EIF4E2: variants seen among roughly 807,000 people sequenced by gnomAD.
EIF4E2 encodes eukaryotic translation initiation factor 4E family member 2.
In EIF4E2, 13 loss-of-function variants were observed where a neutral mutation model predicts 34.2. That is an observed-to-expected ratio of 0.38 (90% confidence interval 0.25 to 0.60). The LOEUF (loss-of-function observed/expected upper bound fraction) is 0.60. Among genes scored for constraint, EIF4E2 ranks in the 20% least tolerant of loss-of-function variants. The pLI, the probability that EIF4E2 is intolerant of heterozygous loss-of-function variation, is 0.62. For synonymous variants in EIF4E2, 100 were observed against 106.6 expected (o/e 0.94, Z 0.38); for missense variants, 222 against 315.1 (o/e 0.70, Z 2.24).
At chr2:232,564,814 G>A (rs931527564) in intron 4 of EIF4E2, among the ~76,000 whole-genome samples, 14 of 152,220 alleles carry the variant, frequency 9.2e-5, no homozygotes, top group Non-Finnish European at 1.0e-4. Context: ...TGGAACCCGA[G>A]CCTCTAGAGA....
chr2:232,558,792 A>G (rs945256591), intron 3 of EIF4E2: 2 of 152,152 alleles, frequency 1.3e-5, no homozygotes, highest in African/African-American at 2.4e-5. Context: ...ATTAATGATT[A>G]TGCATAAAAT....
At chr2:232,580,366 T>C (rs1173207282) in intron 6 of EIF4E2, among the ~76,000 whole-genome samples, 3 of 152,190 alleles carry the variant, frequency 2.0e-5, no homozygotes, top group African/African-American at 7.2e-5. Flanking sequence ...GAACATCTCC[T>C]TCTCAGGCTT....
chr2:232,564,375 G>C (rs1339730523), intron 4 of EIF4E2, 24 bp downstream of exon 4: 2 of 1,465,020 alleles, frequency 1.4e-6, no homozygotes, highest in Non-Finnish European at 1.9e-6. Context: ...GCTTCTGACT[G>C]CTTTTTTGAG....
At chr2:232,554,606 A>G (rs1246166322) in intron 1 of EIF4E2, among the ~76,000 whole-genome samples, 1 of 152,166 alleles carries the variant, frequency 6.6e-6, no homozygotes, top group African/African-American at 2.4e-5. Flanking sequence ...GGGGAAGTTT[A>G]ATAAAGGGGA....
At chr2:232,568,750 G>T (rs995358875) in intron 6 of EIF4E2, 195 bp from the exon 7 acceptor site, 1 of 985,326 alleles carries the variant, frequency 1.0e-6, no homozygotes, top group Non-Finnish European at 1.2e-6. Context: ...AGGAGAGCCT[G>T]TGGGCTTTTT....
intron 6 of EIF4E2, among the ~76,000 whole-genome samples, chr2:232,576,242 T>G (rs7585327): frequency 6.6e-6 from 1 of 151,880 alleles, no homozygotes; most frequent in Non-Finnish European, 1.5e-5. Context: ...AATGTGATTT[T>G]AAAAGGTTTT....
chr2:232,558,805 CTT>C (rs1056226343), intron 3 of EIF4E2: 6 of 152,048 alleles, frequency 3.9e-5, no homozygotes, highest in African/African-American at 1.5e-4. Flanking sequence ...CATAAAATAT[CTT>C]TTTCCTGTGT....
chr2:232,568,045 A>G (rs963723803), intron 6 of EIF4E2: 16 of 984,030 alleles, frequency 1.6e-5, no homozygotes, highest in Admixed American at 1.2e-4. Flanking sequence ...GTAAAGTGGG[A>G]GACAGTACTT....
At chr2:232,556,341 A>G in intron 1 of EIF4E2, 75 bp from the exon 2 acceptor site, 1 of 1,223,816 alleles carries the variant, frequency 8.2e-7, no homozygotes, top group Non-Finnish European at 1.2e-6. Flanking sequence ...AGTAGTTCGT[A>G]TGACCTGGTG....
chr2:232,564,331 G>A lies in EIF4E2; in HGVS notation c.355G>A (p.Gly119Arg), dbSNP rs1692837240. 6.3e-7 allele frequency: 1 copy of A among 1,585,278 alleles called. No individual in the cohort carries two copies. The highest frequency in any genetic ancestry group is 8.6e-7 in the Non-Finnish European group (1 of 1,163,522). The change falls in exon 4 of 7, where the codon GGA becomes AGA. Residue 119 changes from glycine (G) to arginine (R), a missense_variant. Gly to Arg is a moderately radical substitution (Grantham distance 125). This residue lies in a region of EIF4E2 where 105 missense variants were observed against 195.1 expected (regional missense o/e 0.54). Transcript: ENST00000258416. ...CAGTGACTTCCATCTCTTCAAAGAA[G>A]GAATTAAACCCATGTGGGAGGTAAG... is the stretch of plus-strand genomic sequence containing the variant. ...GHSDFHLFKE[G>R]IKPMWEDDAN...
chr2:232,557,138 G>T (rs573232064), intron 2 of EIF4E2, among the ~76,000 whole-genome samples: 39 of 152,298 alleles, frequency 2.6e-4, no homozygotes, highest in African/African-American at 9.1e-4. Flanking sequence ...CCAGCTACTG[G>T]GGAGGCTGAG....
At position 232,556,346 on chromosome 2, in the gene EIF4E2, C is replaced by T. The variant is rs906655207; in HGVS notation, c.21-70C>T. Reference sequence around the variant, plus strand: ...TTGGTTACATAGTAGTTCGTATGACCTGGTGGCTTTGTTAGGTAAGCAAGA... The same window carrying T: ...TTGGTTACATAGTAGTTCGTATGACTTGGTGGCTTTGTTAGGTAAGCAAGA... On this transcript the variant is annotated intron_variant, in intron 1 of 6. Transcript: ENST00000258416. 33 of 1,277,956 alleles carry T rather than the reference C, an allele frequency of 2.6e-5. No individual in the cohort carries two copies. In the African/African-American group the frequency reaches 4.4e-4, roughly 17 times the overall value. 79.2% of individuals were successfully genotyped at this position (1,277,956 alleles called of 1,614,324 possible). A position where few individuals can be genotyped will look rare whatever the true frequency, so the allele number is the denominator to read the frequency against.
At chr2:232,550,787 G>T (rs1692278576) in intron 1 of EIF4E2, 43 bp downstream of exon 1, 3 of 1,522,700 alleles carry the variant, frequency 2.0e-6, no homozygotes, top group Middle Eastern at 3.6e-4. Flanking sequence ...TCCCCGAACA[G>T]TTCCCCCGCG....
chr2:232,573,757 G>A (rs963564223), downstream of EIF4E2: 30 of 279,876 alleles, frequency 1.1e-4, no homozygotes, highest in African/African-American at 3.3e-4. Context: ...TTAGAAGGTC[G>A]GAAATATGAA....
intron 1 of EIF4E2, 141 bp from the exon 2 acceptor site, chr2:232,556,275 T>A: frequency 1.6e-6 from 1 of 637,660 alleles, no homozygotes; most frequent in Non-Finnish European, 2.8e-6. Context: ...GTCTGTGTTA[T>A]TTTGCCCTTC....
At chr2:232,572,709 T>C (rs1275103512), downstream of EIF4E2, among the ~76,000 whole-genome samples, 1 of 152,136 alleles carries the variant, frequency 6.6e-6, no homozygotes, top group Non-Finnish European at 1.5e-5. Flanking sequence ...GTTTAACATA[T>C]AGTGAAGAGA....
chr2:232,580,867 A>G (rs1248609745), intron 6 of EIF4E2: 1 of 1,525,344 alleles, frequency 6.6e-7, no homozygotes, highest in South Asian at 1.2e-5. Flanking sequence ...TGATCCTTGT[A>G]TTGAACACTC....
chr2:232,558,014 C>T lies in EIF4E2; in HGVS notation c.266C>T (p.Ala89Val). 2 of 1,613,956 alleles carry T rather than the reference C, an allele frequency of 1.2e-6. No individual in the cohort carries two copies. Among genetic ancestry groups the T allele is most frequent in the Non-Finnish European group, 1.7e-6 (2 of 1,179,978 alleles). ...AATATCAAACAGATTGGCACCTTTG[C>T]CTCTGTGAGTTCTTGGTGAATTAAT... is the stretch of plus-strand genomic sequence containing the variant. The part of the protein sequence containing the change: ...EQNIKQIGTF[A>V]SVEQFWRFYS... The change falls in exon 3 of 7, where the codon GCC becomes GTC. Residue 89 changes from alanine (A) to valine (V), a missense_variant. By Grantham distance (64) the Ala-to-Val change is moderately conservative (BLOSUM62 0). Around this residue, in one of 3 missense-constraint regions of EIF4E2, gnomAD observed 105 missense variants for 195.1 expected, o/e 0.54. Coordinates refer to ENST00000258416, the MANE Select transcript of EIF4E2 (RefSeq NM_004846.4).
chr2:232,566,710 A>G lies in EIF4E2; in HGVS notation c.376-119A>G, dbSNP rs1692944814. ...ACCATCAGTTTTTCTATAGAGTTGA[A>G]TAATTGGAAAGTGATATGACTTCTT... On this transcript the variant is annotated intron_variant, in intron 4 of 6. Coordinates refer to ENST00000258416, the MANE Select transcript of EIF4E2 (RefSeq NM_004846.4). This position sits in a 1 kb window ranked among gnomAD's most constrained non-coding sequence, Gnocchi z 4.9. 8.6e-7 allele frequency: 1 copy of G among 1,161,426 alleles called. No individual in the cohort carries two copies. The highest frequency in any genetic ancestry group is 2.6e-5 in the Admixed American group (1 of 37,870). 71.9% of individuals were successfully genotyped at this position (1,161,426 alleles called of 1,614,324 possible).
Sources: allele counts gnomAD v4.1 joint callset (sites outside exome capture counted in the v4.1 genomes callset), GRCh38; gene constraint gnomAD v4.1.1; regional missense constraint gnomAD v4.1.1; non-coding constraint Gnocchi (gnomAD v3.1); transcripts MANE v1.5; gene names NCBI Gene and HGNC (gene_info 2026-07-23, HGNC 2026-07-21).